Variants in MRC1 observed in about 807,000 individuals in gnomAD.
The protein encoded by MRC1 is mannose receptor C-type 1, also known as macrophage mannose receptor 1.
In MRC1, 62 loss-of-function variants were observed where a neutral mutation model predicts 102.9. That is an observed-to-expected ratio of 0.60 (90% confidence interval 0.49 to 0.74). MRC1 has a LOEUF of 0.74. Ranked by LOEUF, MRC1 falls within the 30% of genes least tolerant of loss-of-function variation. MRC1 has a pLI of 0.00. For synonymous variants in MRC1, 457 were observed against 298.4 expected (o/e 1.53, Z -5.48); for missense variants, 1,237 against 862.8 (o/e 1.43, Z -5.43).
intron 1 of MRC1, among the ~76,000 whole-genome samples, chr10:17,813,870 G>T (rs1234580364): frequency 6.6e-6 from 1 of 151,484 alleles, no homozygotes; most frequent in African/African-American, 2.4e-5. Flanking sequence ...GCTAACTTTT[G>T]TGTTTTTTTG....
chr10:17,904,614 A>G (rs1833872245), intron 26 of MRC1, among the ~76,000 whole-genome samples: 1 of 152,206 alleles, frequency 6.6e-6, no homozygotes, highest in South Asian at 2.1e-4. Context: ...TTAAGTGCCT[A>G]GAACTAATGA....
intron 22 of MRC1, among the ~76,000 whole-genome samples, chr10:17,893,045 A>G (rs1300190062): frequency 6.6e-6 from 1 of 151,972 alleles, no homozygotes; most frequent in Non-Finnish European, 1.5e-5. Flanking sequence ...AACTGTGAAA[A>G]TAAACACAGT....
intron 26 of MRC1, among the ~76,000 whole-genome samples, chr10:17,905,878 G>C (rs1274892691): frequency 2.0e-5 from 3 of 152,098 alleles, no homozygotes; most frequent in Non-Finnish European, 2.9e-5. Context: ...GGCAAAGATG[G>C]TACCTATTTA....
At chr10:17,860,807 A>C (rs1833173023) in intron 9 of MRC1, among the ~76,000 whole-genome samples, 1 of 152,176 alleles carries the variant, frequency 6.6e-6, no homozygotes. Flanking sequence ...ACGTTTCACA[A>C]ATAGTTTTCG....
In MRC1 at chr10:17,866,437, C is replaced by T. The variant is rs1589184811; in HGVS notation, c.1784-125C>T. The T allele has an allele frequency of 3.9e-6, 3 of 767,416 alleles. No homozygotes were observed. In the East Asian group the frequency reaches 7.3e-5, roughly 19 times the overall value. The allele number at this position is 767,416 out of a possible 1,614,324, so 47.5% of individuals were successfully genotyped here. Reference sequence around the variant, plus strand: ...TAGAAATATAAAGTGTTACAAACCCCCCTGCATCTGAGATCATAATTGGGC... The same window carrying T: ...TAGAAATATAAAGTGTTACAAACCCTCCTGCATCTGAGATCATAATTGGGC... On this transcript the variant is annotated intron_variant, in intron 11 of 29. Transcript: ENST00000569591.
intron 9 of MRC1, among the ~76,000 whole-genome samples, chr10:17,859,894 T>C (rs1833156355): frequency 6.6e-6 from 1 of 152,212 alleles, no homozygotes; most frequent in Non-Finnish European, 1.5e-5. Context: ...GAATTGTTTT[T>C]TTCCGGTACT....
chr10:17,908,731 G>A (rs1206470104), intron 28 of MRC1, among the ~76,000 whole-genome samples: 2 of 152,112 alleles, frequency 1.3e-5, no homozygotes, highest in Non-Finnish European at 2.9e-5. Context: ...ACTATGCCCA[G>A]CTAATTTTTG....
intron 23 of MRC1, among the ~76,000 whole-genome samples, chr10:17,895,732 G>A (rs1293308270): frequency 1.3e-5 from 2 of 152,172 alleles, no homozygotes; most frequent in East Asian, 3.9e-4. Flanking sequence ...CAGGGCAGGT[G>A]AGCCCCGAAA....
chr10:17,903,295 T>C (rs1206584037), intron 26 of MRC1, among the ~76,000 whole-genome samples: 2 of 152,046 alleles, frequency 1.3e-5, no homozygotes, highest in African/African-American at 2.4e-5. Flanking sequence ...ATATGTCTTA[T>C]GGTCCCCCTA....
At chr10:17,813,078 A>AT (rs1838250660) in intron 1 of MRC1, among the ~76,000 whole-genome samples, 1 of 152,212 alleles carries the variant, frequency 6.6e-6, no homozygotes, top group Non-Finnish European at 1.5e-5. Flanking sequence ...GAAATGATGC[A>AT]TTTTGACATC....
chr10:17,896,943 T>C (rs1213803720), intron 23 of MRC1, among the ~76,000 whole-genome samples: 1 of 152,148 alleles, frequency 6.6e-6, no homozygotes, highest in Admixed American at 6.5e-5. Flanking sequence ...AAGAACCAGA[T>C]TGCAAATATT....
chr10:17,879,973 A>C, intron 19 of MRC1, 152 bp downstream of exon 19: 1 of 717,816 alleles, frequency 1.4e-6, no homozygotes, highest in South Asian at 1.6e-5. Flanking sequence ...TAACAGTTCA[A>C]CTTGTAACGA....
chr10:17,811,404 A>G (rs1308481380), intron 1 of MRC1, among the ~76,000 whole-genome samples: 4 of 152,190 alleles, frequency 2.6e-5, no homozygotes, highest in African/African-American at 7.2e-5. Flanking sequence ...TCCTGACAGC[A>G]GGATGCCCTC....
At chr10:17,838,706 G>GC (rs1190201131) in intron 4 of MRC1, among the ~76,000 whole-genome samples, 1 of 152,188 alleles carries the variant, frequency 6.6e-6, no homozygotes, top group Non-Finnish European at 1.5e-5. Context: ...GGGCGCAGTG[G>GC]CTCACGCCTG....
chr10:17,829,105 A>G (rs1838528867), intron 3 of MRC1, among the ~76,000 whole-genome samples: 1 of 151,476 alleles, frequency 6.6e-6, no homozygotes, highest in Admixed American at 6.6e-5. Flanking sequence ...GCTGCCCTGC[A>G]AAGGGACTGG....
intron 5 of MRC1, among the ~76,000 whole-genome samples, chr10:17,842,379 T>G (rs1386430210): frequency 6.6e-6 from 1 of 152,258 alleles, no homozygotes; most frequent in African/African-American, 2.4e-5. Context: ...TATTTTGGCT[T>G]AAATAAATTA....
chr10:17,813,568 T>G (rs1446357021), intron 1 of MRC1, among the ~76,000 whole-genome samples: 1 of 151,140 alleles, frequency 6.6e-6, no homozygotes. Flanking sequence ...TTCTCCATCT[T>G]TCTCAGTGTT....
intron 4 of MRC1, among the ~76,000 whole-genome samples, chr10:17,839,120 T>C (rs1838712609): frequency 6.6e-6 from 1 of 152,074 alleles, no homozygotes; most frequent in African/African-American, 2.4e-5. Context: ...ATATACCATA[T>C]GTCAGGCCTT....
At position 17,827,437 on chromosome 10, in the gene MRC1, G is replaced by A. The variant is rs976767130; in HGVS notation, c.464-105G>A. ...AAATCCCTCTGTGGGTGCATCAAGTGTAATCAGAACAGTAAGACCAATTCC... is the reference window on the plus strand; with the variant it reads ...AAATCCCTCTGTGGGTGCATCAAGTATAATCAGAACAGTAAGACCAATTCC... On this transcript the variant is annotated intron_variant, in intron 2 of 29. Coordinates refer to ENST00000569591, the MANE Select transcript of MRC1 (RefSeq NM_002438.4). 5 of 499,658 alleles carry A rather than the reference G, an allele frequency of 1.0e-5. 1 individual carries two copies. The highest frequency in any genetic ancestry group is 1.9e-5 in the Non-Finnish European group (5 of 259,614). The allele number at this position is 499,658 out of a possible 1,614,324, so 31.0% of individuals were successfully genotyped here. A position where few individuals can be genotyped will look rare whatever the true frequency, so the allele number is the denominator to read the frequency against.
Sources: allele counts gnomAD v4.1 joint callset (sites outside exome capture counted in the v4.1 genomes callset), GRCh38; gene constraint gnomAD v4.1.1; transcripts MANE v1.5; gene names NCBI Gene and HGNC (gene_info 2026-07-23, HGNC 2026-07-21).